CHMP4A: variants seen among roughly 807,000 people sequenced by gnomAD.
CHMP4A encodes the protein SNF7 homolog associated with Alix-2.
Under a neutral mutation model 28.2 loss-of-function variants are expected in CHMP4A, and 29 were observed. The observed-to-expected ratio is 1.03, with a 90% CI of 0.77 to 1.40. The LOEUF is 1.40. Ranked by LOEUF, CHMP4A falls within the 40% of genes most tolerant of loss-of-function variation. CHMP4A has a pLI of 0.00. For synonymous variants in CHMP4A, 88 were observed against 99.3 expected, an observed-to-expected ratio of 0.89 and a Z score of 0.67; for missense variants, 241 against 263.5, an observed-to-expected ratio of 0.91 and a Z score of 0.59.
chr14:24,213,292 C>T (rs2039614248), intron 1 of CHMP4A, 117 bp downstream of exon 1: 1 of 1,269,626 alleles, frequency 7.9e-7, no homozygotes, highest in Non-Finnish European at 1.0e-6. Context: ...TCCAGTCAGC[C>T]TGTCTCCTGA....
chr14:24,211,835 G>T lies in CHMP4A; in HGVS notation c.32-6C>A. ...TGGCCCTTTCTCCTTCTTCCCTGAGGAGTCCAGTGGAGTAGGCCCAAATTT... is the reference window on the plus strand; with the variant it reads ...TGGCCCTTTCTCCTTCTTCCCTGAGTAGTCCAGTGGAGTAGGCCCAAATTT... On this transcript the variant is annotated splice_region_variant and splice_polypyrimidine_tract_variant and intron_variant, in intron 1 of 5. Transcript: ENST00000347519. 6.3e-7 allele frequency: 1 copy of T among 1,597,068 alleles called. No homozygotes were observed. The highest frequency in any genetic ancestry group is 2.2e-5 in the East Asian group (1 of 44,746).
chr14:24,211,496 A>G lies in CHMP4A; in HGVS notation c.278T>C (p.Ile93Thr), dbSNP rs370939325. The change falls in exon 3 of 6, where the codon ATT (isoleucine) becomes ACT (threonine). Residue 93 changes from isoleucine (I) to threonine (T), a missense_variant. Ile to Thr is a moderately conservative substitution (Grantham distance 89). Coordinates refer to ENST00000347519, the MANE Select transcript of CHMP4A (RefSeq NM_014169.5). ...TTCTGCATTGGTAGTGGCATTCTCA[A>G]TGGCCTCACGCTGAAACTCCAGGGT... ...LSTLEFQREA[I>T]ENATTNAEVL... is the part of the protein sequence containing the mutation. 3.6e-5 allele frequency: 58 copies of G among 1,614,096 alleles called. No individual in the cohort carries two copies. The highest frequency in any genetic ancestry group is 4.8e-5 in the Non-Finnish European group (57 of 1,179,994).
chr14:24,210,207 A>T (rs61998486), intron 5 of CHMP4A, 141 bp downstream of exon 5: 42 of 1,146,710 alleles, frequency 3.7e-5, no homozygotes, highest in Non-Finnish European at 5.0e-5. Flanking sequence ...GTGGGTGCCT[A>T]TATGCAGTCA....
At chr14:24,211,299 C>T in intron 3 of CHMP4A, 116 bp downstream of exon 3, 1 of 887,816 alleles carries the variant, frequency 1.1e-6, no homozygotes, top group Non-Finnish European at 1.7e-6. Context: ...GATGTCTAGC[C>T]ATCACAAGTA....
chr14:24,209,651 A>G lies in CHMP4A; in HGVS notation c.*226T>C, dbSNP rs993592930. ...CAGTTTTATTGGGAACAAGGGCATTATAACTGCTATCAAAGAGAAGGGAGC... is the reference window on the plus strand; with the variant it reads ...CAGTTTTATTGGGAACAAGGGCATTGTAACTGCTATCAAAGAGAAGGGAGC... On this transcript the variant is annotated 3_prime_UTR_variant, in exon 6 of 6. Coordinates refer to ENST00000347519, the MANE Select transcript of CHMP4A (RefSeq NM_014169.5). The G allele has an allele frequency of 5.5e-6, 3 of 541,282 alleles. No individual in the cohort carries two copies. The highest frequency in any genetic ancestry group is 3.1e-5 in the Admixed American group (1 of 31,748). The allele number at this position is 541,282 out of a possible 1,614,324, so 33.5% of individuals were successfully genotyped here. A position where few individuals can be genotyped will look rare whatever the true frequency, so the allele number is the denominator to read the frequency against.
At chr14:24,211,615 C>A (rs1049395453) in intron 2 of CHMP4A, 23 bp from the exon 3 acceptor site, 1 of 1,610,508 alleles carries the variant, frequency 6.2e-7, no homozygotes, top group Non-Finnish European at 8.5e-7. Flanking sequence ...ATACCCTGAA[C>A]ATCAAGAGTC....
At position 24,211,608 on chromosome 14, in the gene CHMP4A, C is replaced by A; in HGVS notation, c.182-16G>T. 6.2e-7 allele frequency: 1 copy of A among 1,610,948 alleles called. No homozygotes were observed. The highest frequency in any genetic ancestry group is 8.5e-7 in the Non-Finnish European group (1 of 1,177,234). ...TGTAGGGCAGCTGACCCAGCCCATACCCTGAACATCAAGAGTCAGAAGCAC... is the reference window on the plus strand; with the variant it reads ...TGTAGGGCAGCTGACCCAGCCCATAACCTGAACATCAAGAGTCAGAAGCAC... On this transcript the variant is annotated splice_polypyrimidine_tract_variant and intron_variant, in intron 2 of 5. Coordinates refer to ENST00000347519, the MANE Select transcript of CHMP4A (RefSeq NM_014169.5).
chr14:24,211,291 T>C (rs1032760258), intron 3 of CHMP4A, 124 bp downstream of exon 3: 5 of 824,598 alleles, frequency 6.1e-6, no homozygotes, highest in African/African-American at 1.7e-5. Flanking sequence ...GGCAGATGGA[T>C]GTCTAGCCAT....
intron 3 of CHMP4A, chr14:24,211,103 GAAC>G (rs540510121): frequency 5.6e-5 from 22 of 394,814 alleles, no homozygotes; most frequent in African/African-American, 4.2e-4. Context: ...AGAATCACTT[GAAC>G]CCAGGAGGCG....
At position 24,209,839 on chromosome 14, in the gene CHMP4A, C is replaced by A; in HGVS notation, c.*38G>T. On this transcript the variant is annotated 3_prime_UTR_variant, in exon 6 of 6. Coordinates refer to ENST00000347519, the MANE Select transcript of CHMP4A (RefSeq NM_014169.5). ...CACTTGGCACTTAAGGAAGAAAGGA[C>A]CAACAAAGGTAGCATTAGGAAGACA... is the stretch of plus-strand genomic sequence containing the variant. The A allele has an allele frequency of 6.3e-7, 1 of 1,593,192 alleles. No individual in the cohort carries two copies. Among genetic ancestry groups the A allele is most frequent in the African/African-American group, 1.3e-5 (1 of 74,402 alleles).
rs1478859041 is a variant in CHMP4A, at chr14:24,210,571, T to G, written c.474+83A>C. 3.1e-6 allele frequency: 5 copies of G among 1,595,046 alleles called. No homozygotes were observed. The African/African-American group carries it at 5.4e-5, about 17-fold the overall frequency. On this transcript the variant is annotated intron_variant, in intron 4 of 5. Transcript: ENST00000347519. ...CACTTTTGAAGTTCCCTCCCAAACTTGTCCCAAGAGCCTCTCTTGGGTGTT... is the reference window on the plus strand; with the variant it reads ...CACTTTTGAAGTTCCCTCCCAAACTGGTCCCAAGAGCCTCTCTTGGGTGTT...
intron 3 of CHMP4A, chr14:24,211,183 C>CA: frequency 2.0e-6 from 1 of 500,676 alleles, no homozygotes; most frequent in East Asian, 3.2e-5. Context: ...GACTCCATCT[C>CA]AAAAAACAAA....
rs771177184 is a variant in CHMP4A at position 24,211,506 on chromosome 14, G to A, written c.268C>T (p.Arg90Cys). 3.1e-6 allele frequency: 5 copies of A among 1,614,096 alleles called. No individual in the cohort carries two copies. The highest frequency in any genetic ancestry group is 1.1e-5 in the South Asian group (1 of 91,074). ...DGTLSTLEFQ[R>C]EAIENATTNA... ...GTAGTGGCATTCTCAATGGCCTCAC[G>A]CTGAAACTCCAGGGTGGATAATGTC... Residue 90 changes from arginine (R) to cysteine (C), a missense_variant, in exon 3 of 6, where the codon CGT (arginine) becomes TGT (cysteine). Coordinates refer to ENST00000347519, the MANE Select transcript of CHMP4A (RefSeq NM_014169.5).
At position 24,211,569 on chromosome 14, in the gene CHMP4A, T is replaced by C; in HGVS notation, c.205A>G (p.Lys69Glu). Reference protein sequence around the residue: ...KRAALQALRRKKRFEQQLAQT... With the variant: ...KRAALQALRREKRFEQQLAQT... ...GCCAGCTGCTGTTCGAATCTTTTCT[T>C]CCTCCGCAAAGCCTGTAGGGCAGCT... is the stretch of plus-strand genomic sequence containing the variant. Residue 69 changes from lysine to glutamate, a missense_variant, in exon 3 of 6, where the codon AAG becomes GAG. Lys to Glu is a moderately conservative substitution (Grantham distance 56). Coordinates refer to ENST00000347519, the MANE Select transcript of CHMP4A (RefSeq NM_014169.5). 6.2e-7 allele frequency: 1 copy of C among 1,613,372 alleles called. No homozygotes were observed. Among genetic ancestry groups the C allele is most frequent in the African/African-American group, 1.3e-5 (1 of 75,016 alleles).
chr14:24,211,139 G>A (rs2039587621), intron 3 of CHMP4A: 1 of 422,256 alleles, frequency 2.4e-6, no homozygotes, highest in Non-Finnish European at 4.3e-6. Context: ...AGCCGAGATT[G>A]TGCCACTGCA....
intron 4 of CHMP4A, 24 bp downstream of exon 4, chr14:24,210,630 C>T (rs1483873776): frequency 6.2e-6 from 10 of 1,603,734 alleles, no homozygotes; most frequent in South Asian, 1.1e-5. Flanking sequence ...CTGCAATATT[C>T]CCTGACCCTT....
intron 5 of CHMP4A, 137 bp downstream of exon 5, chr14:24,210,211 G>C: frequency 8.4e-7 from 1 of 1,196,104 alleles, no homozygotes; most frequent in Non-Finnish European, 1.2e-6. Context: ...GTGCCTATAT[G>C]CAGTCAACAA....
At chr14:24,212,554 ATTTT>A (rs71119066) in intron 1 of CHMP4A, 223 of 315,798 alleles carry the variant, frequency 7.1e-4, no homozygotes, top group South Asian at 1.2e-3. Context: ...TGCCCACCTA[ATTTT>A]TTTTTTTTTT....
At chr14:24,209,971 G>A (rs372524634) in intron 5 of CHMP4A, 36 bp from the exon 6 acceptor site, 127 of 1,591,110 alleles carry the variant, frequency 8.0e-5, no homozygotes, top group Non-Finnish European at 1.0e-4. Flanking sequence ...AAAGAAAGGA[G>A]AAGCAGTAAG....
Sources: allele counts gnomAD v4.1 joint callset, GRCh38; gene constraint gnomAD v4.1.1; transcripts MANE v1.5; gene names NCBI Gene and HGNC (gene_info 2026-07-23, HGNC 2026-07-21).